The following FOXP2 variants were observed in gnomAD, a reference collection of about 807,000 sequenced individuals.
FOXP2 encodes the protein forkhead box protein P2.
A neutral mutation model predicts 115.8 loss-of-function variants in FOXP2; 12 were observed. That is an observed-to-expected ratio of 0.10 (90% CI 0.07 to 0.17). The LOEUF (loss-of-function observed/expected upper bound fraction) is 0.17. Among genes scored for constraint, FOXP2 ranks in the 10% least tolerant of loss-of-function variants. FOXP2 has a pLI of 1.00. For synonymous variants in FOXP2, 328 were observed against 297.7 expected, an observed-to-expected ratio of 1.10 and a Z score of -1.05; for missense variants, 629 against 843.5, an observed-to-expected ratio of 0.75 and a Z score of 3.15.
chr7:114,316,196 G>A (rs1179178079), intron 2 of FOXP2, among the ~76,000 whole-genome samples: 1 of 152,186 alleles, frequency 6.6e-6, no homozygotes, highest in Non-Finnish European at 1.5e-5. Flanking sequence ...CCACAAAAGT[G>A]CTGTATTGCT....
chr7:114,413,866 G>C (rs1188424386), upstream of FOXP2, among the ~76,000 whole-genome samples: 2 of 152,048 alleles, frequency 1.3e-5, no homozygotes, highest in African/African-American at 4.8e-5. Flanking sequence ...GAAGTGCTTT[G>C]TTCAGTAACT....
chr7:114,635,830 A>G (rs1345822947), intron 6 of FOXP2, among the ~76,000 whole-genome samples: 2 of 152,150 alleles, frequency 1.3e-5, no homozygotes, highest in African/African-American at 2.4e-5. Context: ...ATATGATGAG[A>G]AAAAGGAAAC....
At chr7:114,252,358 G>C (rs191815200) in intron 1 of FOXP2, among the ~76,000 whole-genome samples, 2,263 of 152,302 alleles carry the variant, frequency 0.015, 26 homozygotes, top group African/African-American at 0.025. Context: ...AATAGTTTCA[G>C]AAGGAATGGT....
chr7:114,435,129 AAC>A (rs1334677808), intron 2 of FOXP2, among the ~76,000 whole-genome samples: 1 of 152,140 alleles, frequency 6.6e-6, no homozygotes, highest in African/African-American at 2.4e-5. Context: ...AACAACTATA[AAC>A]CAATCACTTT....
At chr7:114,580,376 G>A (rs1386057053) in intron 3 of FOXP2, among the ~76,000 whole-genome samples, 5 of 152,092 alleles carry the variant, frequency 3.3e-5, no homozygotes, top group Non-Finnish European at 7.4e-5. Context: ...TCAGGAGTTC[G>A]AGACCAGCCT....
At chr7:114,300,853 G>A (rs1796862978) in intron 2 of FOXP2, among the ~76,000 whole-genome samples, 1 of 151,856 alleles carries the variant, frequency 6.6e-6, no homozygotes, top group African/African-American at 2.4e-5. Flanking sequence ...AATCTGAAAA[G>A]CACTCCTTTT....
intron 6 of FOXP2, among the ~76,000 whole-genome samples, chr7:114,640,617 G>A (rs1805470196): frequency 6.6e-6 from 1 of 152,104 alleles, no homozygotes; most frequent in Non-Finnish European, 1.5e-5. Context: ...GGGTGAGAGA[G>A]TTCATTCTTC....
At chr7:114,575,828 A>T (rs1489193769) in intron 3 of FOXP2, among the ~76,000 whole-genome samples, 1 of 151,966 alleles carries the variant, frequency 6.6e-6, no homozygotes, top group Non-Finnish European at 1.5e-5. Flanking sequence ...ATTACTACTT[A>T]TCAGTGTTGA....
intron 1 of FOXP2, among the ~76,000 whole-genome samples, chr7:114,264,952 C>A (rs1355803219): frequency 6.6e-6 from 1 of 152,126 alleles, no homozygotes; most frequent in Non-Finnish European, 1.5e-5. Flanking sequence ...GGGATCCTCC[C>A]ACATGACCCA....
intron 16 of FOXP2, among the ~76,000 whole-genome samples, chr7:114,677,050 C>A (rs1252451832): frequency 6.6e-6 from 1 of 151,816 alleles, no homozygotes; most frequent in African/African-American, 2.4e-5. Context: ...CCTGTAGTCC[C>A]AGCTACTCAG....
intron 3 of FOXP2, among the ~76,000 whole-genome samples, chr7:114,593,165 CT>C (rs1802522771): frequency 1.3e-5 from 2 of 151,394 alleles, no homozygotes; most frequent in Non-Finnish European, 3.0e-5. Context: ...TAACTTCAGA[CT>C]TTTTTTCAAG....
chr7:114,621,307 G>A (rs11979005), intron 3 of FOXP2, among the ~76,000 whole-genome samples: 17,342 of 151,910 alleles, frequency 0.11, 1,093 homozygotes, highest in Middle Eastern at 0.18. Flanking sequence ...CTAATTCTGA[G>A]GGTAGACAGA....
chr7:114,239,053 T>G (rs888429259), intron 1 of FOXP2, among the ~76,000 whole-genome samples: 1 of 151,682 alleles, frequency 6.6e-6, no homozygotes, highest in African/African-American at 2.4e-5. Flanking sequence ...CTTTACAAAC[T>G]TTTGCATTCT....
rs1807053715 is a variant in FOXP2 at position 114,664,429 on chromosome 7, C to T, written c.1996C>T (p.Pro666Ser). 1 of 1,613,360 alleles carries T rather than the reference C, an allele frequency of 6.2e-7. No homozygotes were observed. Among genetic ancestry groups the T allele is most frequent in the Non-Finnish European group, 8.5e-7 (1 of 1,179,598 alleles). The part of the protein sequence containing the change: ...GNSSPGCSPQ[P>S]HIHSIHVKEE... ...CAGTAGTCCGGGCTGCTCACCTCAGCCGCACATGTAAGTGTGGTTAACAGA... is the reference window on the plus strand; with the variant it reads ...CAGTAGTCCGGGCTGCTCACCTCAGTCGCACATGTAAGTGTGGTTAACAGA... Residue 666 changes from proline (P) to serine (S), a missense_variant, in exon 16 of 17, where the codon CCG becomes TCG. Pro to Ser is a moderately conservative substitution (Grantham distance 74). This residue lies in a region of FOXP2 where 117 missense variants were observed against 112.3 expected (regional missense o/e 1.04). Coordinates refer to ENST00000350908, the MANE Select transcript of FOXP2 (RefSeq NM_014491.4).
At chr7:114,299,402 T>G (rs1472581773) in intron 2 of FOXP2, among the ~76,000 whole-genome samples, 2 of 152,040 alleles carry the variant, frequency 1.3e-5, no homozygotes, top group African/African-American at 4.8e-5. Context: ...CATGGGAAAC[T>G]GATCCCATAT....
intron 1 of FOXP2, among the ~76,000 whole-genome samples, chr7:114,196,326 A>G (rs551786277): frequency 6.6e-6 from 1 of 152,290 alleles, no homozygotes; most frequent in Admixed American, 6.5e-5. Flanking sequence ...TTTTAAAAGG[A>G]CCTTTTATTA....
chr7:114,187,819 C>G (rs1301858895), intron 1 of FOXP2, among the ~76,000 whole-genome samples: 1 of 152,082 alleles, frequency 6.6e-6, no homozygotes, highest in East Asian at 1.9e-4. Flanking sequence ...TCTTGAGGCT[C>G]AAAATATTAA....
chr7:114,239,390 C>T (rs1218195242), intron 1 of FOXP2, among the ~76,000 whole-genome samples: 1 of 152,068 alleles, frequency 6.6e-6, no homozygotes, highest in Non-Finnish European at 1.5e-5. Flanking sequence ...ATGTCAAAAA[C>T]TTTTGTGAGT....
intron 1 of FOXP2, among the ~76,000 whole-genome samples, chr7:114,417,784 A>G (rs921171892): frequency 6.6e-6 from 1 of 151,954 alleles, no homozygotes; most frequent in Non-Finnish European, 1.5e-5. Context: ...AAATATACGA[A>G]CTATGAAACC....
Sources: allele counts gnomAD v4.1 joint callset (sites outside exome capture counted in the v4.1 genomes callset), GRCh38; gene constraint gnomAD v4.1.1; regional missense constraint gnomAD v4.1.1; transcripts MANE v1.5; gene names NCBI Gene and HGNC (gene_info 2026-07-23, HGNC 2026-07-21).